The following RBBP9 variants were observed in gnomAD, a reference collection of about 807,000 sequenced individuals.
The protein encoded by RBBP9 is RB binding protein 9, serine hydrolase.
RBBP9 carries 20 observed loss-of-function variants against 24.2 expected under a neutral mutation model. That is an observed-to-expected ratio of 0.83 (90% CI 0.58 to 1.20). RBBP9 has a LOEUF of 1.20. Ranked by LOEUF, RBBP9 falls within the 50% of genes most tolerant of loss-of-function variation. The pLI, the probability that RBBP9 is intolerant of heterozygous loss-of-function variation, is 0.00. For synonymous variants in RBBP9, 74 were observed against 84.6 expected (o/e 0.87, Z 0.69); for missense variants, 234 against 233.6 (o/e 1.00, Z -0.01).
Position 18,488,477 on chromosome 20 carries a change from GCTGGCCTCAAACAC to G in RBBP9, c.*1273_*1286del, listed in dbSNP as rs1333880982. ...GATGGGGTCTTGCTGTGTTGCCCTG[GCTGGCCTCAAACAC>G]CTGGCCTCAAGCAATACAACCACCT... On this transcript the variant is annotated 3_prime_UTR_variant, in exon 5 of 5. Transcript: ENST00000337227. 2 of 152,472 alleles carry G rather than the reference GCTGGCCTCAAACAC, an allele frequency of 1.3e-5. No individual in the cohort carries two copies. The highest frequency in any genetic ancestry group is 4.8e-5 in the African/African-American group (2 of 41,368). The allele number at this position is 152,472 out of a possible 1,614,324, so 9.4% of individuals were successfully genotyped here. A position where few individuals can be genotyped will look rare whatever the true frequency, so the allele number is the denominator to read the frequency against.
chr20:18,495,225 T>C lies in RBBP9; in HGVS notation c.142+613A>G, dbSNP rs544391213. 5.4e-5 allele frequency among the ~76,000 whole-genome samples: 8 copies of C among 147,620 alleles called. No homozygotes were observed. In the East Asian group the frequency reaches 1.6e-3, roughly 29 times the overall value. ...GAAAGAGGTAGACATGGGAGACTTT[T>C]CATTTTGTTCTGTACTAAGAAAAAT... On this transcript the variant is annotated intron_variant, in intron 2 of 4. Coordinates refer to ENST00000337227, the MANE Select transcript of RBBP9 (RefSeq NM_006606.3).
intron 4 of RBBP9, 43 bp downstream of exon 4, chr20:18,490,352 G>T: frequency 6.8e-7 from 1 of 1,476,208 alleles, no homozygotes; most frequent in Non-Finnish European, 9.5e-7. Flanking sequence ...ACAGCCCCAT[G>T]TCTAGAGAAG....
rs2059889785 is a variant in RBBP9, at chr20:18,497,147, T to C, written c.21A>G (p.Ala7=). 2.5e-6 allele frequency: 4 copies of C among 1,614,042 alleles called. No individual in the cohort carries two copies. Among genetic ancestry groups the C allele is most frequent in the South Asian group, 2.2e-5 (2 of 91,074 alleles). MASPSK[A]VIVPGNGGGD... ...CGCCTCCGTTCCCGGGAACAATCAC[T>C]GCCTTGCTAGGAGAAGCCATGAGTG... Residue 7 remains alanine, a synonymous_variant, in exon 1 of 5, where the codon GCA becomes GCG. Transcript: ENST00000337227.
intron 4 of RBBP9, 152 bp downstream of exon 4, chr20:18,490,243 G>A: frequency 1.5e-6 from 1 of 685,902 alleles, no homozygotes; most frequent in Non-Finnish European, 2.5e-6. Context: ...AAATCAAAGT[G>A]CAAACTTATA....
chr20:18,490,516 T>C lies in RBBP9; in HGVS notation c.249-36A>G, dbSNP rs753585357. 1.0e-5 allele frequency: 15 copies of C among 1,481,210 alleles called. No homozygotes were observed. In the South Asian group the frequency reaches 1.6e-4, roughly 16 times the overall value. The allele number at this position is 1,481,210 out of a possible 1,614,324, so 91.8% of individuals were successfully genotyped here. A position where few individuals can be genotyped will look rare whatever the true frequency, so the allele number is the denominator to read the frequency against. Reference sequence around the variant, plus strand: ...AAAAATGATGTCAGCTAATATATAATGTTACCTCTGATCACCAAAAAGTCA... The same window carrying C: ...AAAAATGATGTCAGCTAATATATAACGTTACCTCTGATCACCAAAAAGTCA... On this transcript the variant is annotated intron_variant, in intron 3 of 4. Coordinates refer to ENST00000337227, the MANE Select transcript of RBBP9 (RefSeq NM_006606.3).
At position 18,493,362 on chromosome 20, in the gene RBBP9, A is replaced by C. The variant is rs148746484; in HGVS notation, c.248+596T>G. Among the ~76,000 whole-genome samples, 22 of 152,308 alleles carry C rather than the reference A, an allele frequency of 1.4e-4. 2 individuals are homozygous for C. Among genetic ancestry groups the C allele is most frequent in the African/African-American group, 5.1e-4 (21 of 41,578 alleles). On this transcript the variant is annotated intron_variant, in intron 3 of 4. Coordinates refer to ENST00000337227, the MANE Select transcript of RBBP9 (RefSeq NM_006606.3). ...CCAGAGTGAACAAAGCCCTGCCTTC[A>C]TGGAGTCTACATTCTATTGGCAGGA...
chr20:18,494,748 G>A (rs1381256777), intron 2 of RBBP9, among the ~76,000 whole-genome samples: 3 of 152,002 alleles, frequency 2.0e-5, no homozygotes. Flanking sequence ...TCCAAAAAGG[G>A]GATTCCTGAG....
At position 18,495,644 on chromosome 20, in the gene RBBP9, G is replaced by GAA. The variant is rs11476688; in HGVS notation, c.142+192_142+193dup. Reference sequence around the variant, plus strand: ...ATAAAAATGACAAATTCACAGAATTGAAAAAAAAAAAAAAAAAAGAATTTT... The same window carrying GAA: ...ATAAAAATGACAAATTCACAGAATTGAAAAAAAAAAAAAAAAAAAAGAATTTT... On this transcript the variant is annotated intron_variant, in intron 2 of 4. Coordinates refer to ENST00000337227, the MANE Select transcript of RBBP9 (RefSeq NM_006606.3). Among the ~76,000 whole-genome samples the GAA allele has an allele frequency of 4.8e-4, 44 of 91,728 alleles. 1 individual carries two copies. The highest frequency in any genetic ancestry group is 1.8e-3 in the Admixed American group (16 of 9,024). 60.2% of individuals were successfully genotyped at this position (91,728 alleles called of 152,430 possible).
rs368267509 is a variant in RBBP9, at chr20:18,497,209, A to G, written c.-42T>C. On this transcript the variant is annotated 5_prime_UTR_variant, in exon 1 of 5. Transcript: ENST00000337227. ...GAGTTCCCCAGCGCGGGTCCAGCGG[A>G]GCTGAGCCCAGCCTGCTCCCGCAGG... The G allele has an allele frequency of 6.6e-7, 1 of 1,520,400 alleles. No homozygotes were observed. Among genetic ancestry groups the G allele is most frequent in the Non-Finnish European group, 9.1e-7 (1 of 1,098,862 alleles). 94.2% of individuals were successfully genotyped at this position (1,520,400 alleles called of 1,614,324 possible).
Position 18,495,439 on chromosome 20 carries a change from C to G in RBBP9, c.142+399G>C, listed in dbSNP as rs916119823. Among the ~76,000 whole-genome samples the G allele has an allele frequency of 5.3e-5, 8 of 151,146 alleles. No individual in the cohort carries two copies. In the South Asian group the frequency reaches 1.0e-3, roughly 20 times the overall value. ...CTCCCTAATCTCAAGTACCCAGGGA[C>G]GCAAACACTGCGGAAGGCCGCAGGG... On this transcript the variant is annotated intron_variant, in intron 2 of 4. Coordinates refer to ENST00000337227, the MANE Select transcript of RBBP9 (RefSeq NM_006606.3).
At chr20:18,492,697 T>C (rs1265981363) in intron 3 of RBBP9, among the ~76,000 whole-genome samples, 3 of 152,216 alleles carry the variant, frequency 2.0e-5, no homozygotes, top group Non-Finnish European at 2.9e-5. Flanking sequence ...TAGGAAATTC[T>C]ACAACCTTAA....
At position 18,494,051 on chromosome 20, in the gene RBBP9, TCTCGTGCTGTAACTTAAGGTTCAG is replaced by T; in HGVS notation, c.143-12_154del. ...CTCCATGAAGGGCAGCCAGATGCTC[TCTCGTGCTGTAACTTAAGGTTCAG>T]GGTAAAGAAAAAGTCTGTCATTTGA... On this transcript the variant is annotated splice_acceptor_variant and splice_polypyrimidine_tract_variant and coding_sequence_variant and intron_variant, in exon 3 of 5. Transcript: ENST00000337227. LOFTEE classifies it high-confidence loss of function. 6.2e-7 allele frequency: 1 copy of T among 1,613,504 alleles called. No individual in the cohort carries two copies. Among genetic ancestry groups the T allele is most frequent in the Non-Finnish European group, 8.5e-7 (1 of 1,179,774 alleles).
At chr20:18,491,143 G>T (rs1197319079) in intron 3 of RBBP9, among the ~76,000 whole-genome samples, 1 of 152,206 alleles carries the variant, frequency 6.6e-6, no homozygotes, top group Non-Finnish European at 1.5e-5. Flanking sequence ...TGGCATTAAG[G>T]CCTAGAATCT....
At chr20:18,496,158 G>A (rs2059886130) in intron 1 of RBBP9, among the ~76,000 whole-genome samples, 1 of 152,196 alleles carries the variant, frequency 6.6e-6, no homozygotes, top group African/African-American at 2.4e-5. Context: ...ATGAACAAAT[G>A]TGTTCTAGAC....
chr20:18,490,595 G>A, intron 3 of RBBP9, 115 bp from the exon 4 acceptor site: 1 of 658,644 alleles, frequency 1.5e-6, no homozygotes, highest in Non-Finnish European at 2.7e-6. Flanking sequence ...CGTGCTACCT[G>A]CTGTTGAGGT....
Position 18,489,722 on chromosome 20 carries a change from C to A in RBBP9, c.*42G>T. ...TAATCAGCTGATAGTAGATATTATTCTACTCCTATATTGGGATGCAAAATA... is the reference window on the plus strand; with the variant it reads ...TAATCAGCTGATAGTAGATATTATTATACTCCTATATTGGGATGCAAAATA... On this transcript the variant is annotated 3_prime_UTR_variant, in exon 5 of 5. Transcript: ENST00000337227. 1 of 1,321,332 alleles carries A rather than the reference C, an allele frequency of 7.6e-7. No individual in the cohort carries two copies. The highest frequency in any genetic ancestry group is 1.1e-6 in the Non-Finnish European group (1 of 921,670). 81.9% of individuals were successfully genotyped at this position (1,321,332 alleles called of 1,614,324 possible). A position where few individuals can be genotyped will look rare whatever the true frequency, so the allele number is the denominator to read the frequency against.
In RBBP9 at chr20:18,487,962, TAAG is replaced by T. The variant is rs1483567237; in HGVS notation, c.*1799_*1801del. On this transcript the variant is annotated 3_prime_UTR_variant, in exon 5 of 5. Transcript: ENST00000337227. ...CAAGACACTGTCTCAAAAATAATAA[TAAG>T]GACGTCCACCACACTTTACCTACCA... is the stretch of plus-strand genomic sequence containing the variant. 2 of 151,866 alleles carry T rather than the reference TAAG, an allele frequency of 1.3e-5. No homozygotes were observed. The highest frequency in any genetic ancestry group is 6.6e-5 in the Admixed American group (1 of 15,246). The allele number at this position is 151,866 out of a possible 1,614,324, so 9.4% of individuals were successfully genotyped here.
At position 18,489,889 on chromosome 20, in the gene RBBP9, G is replaced by T; in HGVS notation, c.436C>A (p.Gln146Lys). The T allele has an allele frequency of 6.2e-7, 1 of 1,613,900 alleles. No homozygotes were observed. The highest frequency in any genetic ancestry group is 8.5e-7 in the Non-Finnish European group (1 of 1,179,890). ...TDDPFLPWKE[Q>K]QEVADRLETK... The stretch of plus-strand genomic sequence containing the variant: ...TCCAACCTATCGGCCACTTCTTGTT[G>T]TTCCTTCCAGGGAAGGAACGGGTCG... The change falls in exon 5 of 5, where the codon CAA becomes AAA. Residue 146 changes from glutamine to lysine, a missense_variant. Physicochemically the swap from Gln to Lys is moderately conservative, Grantham distance 53 (BLOSUM62 1). Transcript: ENST00000337227.
intron 3 of RBBP9, among the ~76,000 whole-genome samples, chr20:18,493,270 GGTGA>G (rs1181486822): frequency 6.6e-6 from 1 of 152,166 alleles, no homozygotes; most frequent in African/African-American, 2.4e-5. Flanking sequence ...GGGATTCGCA[GGTGA>G]GTAACACTGC....
Sources: allele counts gnomAD v4.1 joint callset (sites outside exome capture counted in the v4.1 genomes callset), GRCh38; gene constraint gnomAD v4.1.1; transcripts MANE v1.5; gene names NCBI Gene and HGNC (gene_info 2026-07-23, HGNC 2026-07-21).